Variants in ENKUR observed in about 807,000 individuals in gnomAD.
ENKUR encodes the protein enkurin, TRPC channel interacting protein.
A neutral mutation model predicts 27.6 loss-of-function variants in ENKUR; 19 were observed. The ratio of observed to expected loss-of-function variants is 0.69; its 90% CI spans 0.48 to 1.01. The LOEUF (loss-of-function observed/expected upper bound fraction) is 1.01. Ranked by LOEUF, ENKUR falls within the 50% of genes least tolerant of loss-of-function variation. ENKUR has a pLI of 0.00. For missense variants in ENKUR, 312 were observed against 310.5 expected (o/e 1.00, Z -0.04); for synonymous variants, 117 against 96.9 (o/e 1.21, Z -1.22).
intron 2 of ENKUR, among the ~76,000 whole-genome samples, chr10:25,037,808 C>T (rs937112789): frequency 1.3e-5 from 2 of 152,132 alleles, no homozygotes; most frequent in African/African-American, 4.8e-5. Flanking sequence ...AGCTGCCATC[C>T]CTGTTCATTT....
intron 4 of ENKUR, among the ~76,000 whole-genome samples, chr10:24,985,181 A>G (rs1332524257): frequency 6.6e-6 from 1 of 152,196 alleles, no homozygotes; most frequent in East Asian, 1.9e-4. Flanking sequence ...TCAAAAATGT[A>G]CACGCAGAGT....
rs530431816 is a variant in ENKUR at position 25,012,231 on chromosome 10, G to A, written c.77+3629C>T. Among the ~76,000 whole-genome samples the A allele has an allele frequency of 4.7e-4, 72 of 152,354 alleles. 1 individual carries two copies. In the South Asian group the frequency reaches 0.01, roughly 22 times the overall value. ...ATGTCTAGGCAAAGATGTGCTTCGG[G>A]GCAGAGCCCTCATGGAGAACCTCTG... is the stretch of plus-strand genomic sequence containing the variant. On this transcript the variant is annotated intron_variant, in intron 1 of 5. Coordinates refer to ENST00000331161, the MANE Select transcript of ENKUR (RefSeq NM_145010.4).
At chr10:25,059,768 G>A (rs577980436) in intron 2 of ENKUR, among the ~76,000 whole-genome samples, 14 of 152,160 alleles carry the variant, frequency 9.2e-5, no homozygotes, top group African/African-American at 3.4e-4. Flanking sequence ...AAACTGCAAT[G>A]AGCTATGATA....
intron 1 of ENKUR, among the ~76,000 whole-genome samples, chr10:25,008,194 G>A (rs537271713): frequency 1.3e-5 from 2 of 151,950 alleles, no homozygotes; most frequent in Non-Finnish European, 1.5e-5. Flanking sequence ...ATAATACTAA[G>A]AGACCATATA....
intron 5 of ENKUR, 148 bp downstream of exon 5, chr10:24,984,575 AATAACTCAATTAT>A: frequency 9.9e-7 from 1 of 1,010,470 alleles, no homozygotes; most frequent in African/African-American, 1.6e-5. Flanking sequence ...TGTGTAAGTG[AATAACTCAATTAT>A]TCTTTGCATA....
rs902200108 is a variant in ENKUR at position 25,057,799 on chromosome 10, G to C, written c.37+3313C>G. Among the ~76,000 whole-genome samples, 4 of 152,064 alleles carry C rather than the reference G, an allele frequency of 2.6e-5. No individual in the cohort carries two copies. The East Asian group carries it at 7.7e-4, about 29-fold the overall frequency. On this transcript the variant is annotated intron_variant, in intron 2 of 5. Coordinates refer to the ENKUR transcript ENST00000615958. ...TGTTTAAGAGGCAGCCTGCACCTGT[G>C]TTTGAGTGACCCTGCCCAGGGAATC...
chr10:25,012,414 C>T (rs73608221), intron 1 of ENKUR, among the ~76,000 whole-genome samples: 2,320 of 152,280 alleles, frequency 0.015, 62 homozygotes, highest in African/African-American at 0.054. Flanking sequence ...AGAAAAGCTG[C>T]AGACACTCAA....
At chr10:25,059,369 T>A (rs1373520643) in intron 2 of ENKUR, among the ~76,000 whole-genome samples, 2 of 152,054 alleles carry the variant, frequency 1.3e-5, no homozygotes, top group Non-Finnish European at 1.5e-5. Flanking sequence ...TGACCTCAGG[T>A]GATCCACCCG....
rs78073628 is a variant in ENKUR at position 24,986,659 on chromosome 10, A to G, written c.595-1754T>C. ...TATTACTTGCAGTCACAGCAGCTAC[A>G]GTTTTTCTCTGTATTTTCTTTTAAA... On this transcript the variant is annotated intron_variant, in intron 4 of 5. Transcript: ENST00000331161. Among the ~76,000 whole-genome samples the G allele has an allele frequency of 2.9e-3, 435 of 152,224 alleles. 5 individuals carry two copies. The highest frequency in any genetic ancestry group is 9.1e-3 in the African/African-American group (380 of 41,536).
At chr10:24,993,486 C>T (rs904116656) in intron 3 of ENKUR, among the ~76,000 whole-genome samples, 1 of 152,128 alleles carries the variant, frequency 6.6e-6, no homozygotes, top group Non-Finnish European at 1.5e-5. Context: ...GATCATCTAT[C>T]CTTGCTTGTT....
At chr10:25,039,798 T>C (rs1333015767) in intron 2 of ENKUR, among the ~76,000 whole-genome samples, 2 of 152,140 alleles carry the variant, frequency 1.3e-5, no homozygotes, top group African/African-American at 4.8e-5. Context: ...AGAAGGCTTA[T>C]CTTTTTGTTC....
intron 4 of ENKUR, among the ~76,000 whole-genome samples, chr10:24,990,258 ATAT>A: frequency 6.6e-6 from 1 of 152,362 alleles, no homozygotes; most frequent in Admixed American, 6.5e-5. Flanking sequence ...TGGAAATAAA[ATAT>A]TATTAAATGA....
chr10:25,018,132 A>G (rs1449759142), upstream of ENKUR, among the ~76,000 whole-genome samples: 7 of 152,222 alleles, frequency 4.6e-5, no homozygotes, highest in Non-Finnish European at 8.8e-5. Flanking sequence ...AAAAAATGCT[A>G]AACAATTTGT....
chr10:25,059,080 T>C (rs1851296839), intron 2 of ENKUR, among the ~76,000 whole-genome samples: 1 of 149,952 alleles, frequency 6.7e-6, no homozygotes. Flanking sequence ...TAATTTTCTA[T>C]CTAAGAGGGC....
At position 24,983,373 on chromosome 10, in the gene ENKUR, GA is replaced by G. The variant is rs1849712069; in HGVS notation, c.*996del. ...AAGTCTGGGTCCCTGAGTGACTGCAGAAAAGGGTTCCTGCTGACCTGCTCAC... is the reference window on the plus strand; with the variant it reads ...AAGTCTGGGTCCCTGAGTGACTGCAGAAAGGGTTCCTGCTGACCTGCTCAC... On this transcript the variant is annotated 3_prime_UTR_variant, in exon 6 of 6. Coordinates refer to ENST00000331161, the MANE Select transcript of ENKUR (RefSeq NM_145010.4). 6.6e-6 allele frequency: 1 copy of G among 152,222 alleles called. No individual in the cohort carries two copies. Among genetic ancestry groups the G allele is most frequent in the African/African-American group, 2.4e-5 (1 of 41,442 alleles). 9.4% of individuals were successfully genotyped at this position (152,222 alleles called of 1,614,324 possible).
chr10:25,028,333 G>A (rs1334306357), intron 2 of ENKUR, among the ~76,000 whole-genome samples: 1 of 152,068 alleles, frequency 6.6e-6, no homozygotes, highest in Non-Finnish European at 1.5e-5. Context: ...CACACCTCAG[G>A]CTTCCCATCA....
At chr10:24,995,020 C>A (rs945881017) in intron 3 of ENKUR, among the ~76,000 whole-genome samples, 1 of 151,656 alleles carries the variant, frequency 6.6e-6, no homozygotes, top group Non-Finnish European at 1.5e-5. Flanking sequence ...GAATATGTCT[C>A]AAAAAAAATC....
intron 2 of ENKUR, among the ~76,000 whole-genome samples, chr10:25,052,685 T>C (rs1851199742): frequency 1.3e-5 from 2 of 152,068 alleles, no homozygotes; most frequent in Admixed American, 1.3e-4. Context: ...GGCAGGAGGA[T>C]TGCTTTGAGC....
chr10:25,039,952 AAAAG>A (rs1851044154), intron 2 of ENKUR, among the ~76,000 whole-genome samples: 1 of 151,752 alleles, frequency 6.6e-6, no homozygotes, highest in African/African-American at 2.4e-5. Flanking sequence ...AAAAAAAAAA[AAAAG>A]TAGCTTCACT....
Sources: gnomAD v4.1 joint callset for allele counts (sites outside exome capture counted in the v4.1 genomes callset) on GRCh38, gnomAD v4.1.1 for gene constraint, MANE v1.5 for transcripts, NCBI Gene and HGNC (gene_info 2026-07-23, HGNC 2026-07-21) for gene names.